Variants in TEX9 observed in about 807,000 individuals in gnomAD.
TEX9 encodes the protein testis-expressed protein 9.
Under a neutral mutation model 59.6 loss-of-function variants are expected in TEX9, and 74 were observed. The observed-to-expected ratio is 1.24, with a 90% CI of 1.03 to 1.51. The LOEUF is 1.51. Among genes scored for constraint, TEX9 ranks in the 40% most tolerant of loss-of-function variants. TEX9 has a pLI of 0.00. For missense variants in TEX9, 522 were observed against 447.8 expected (o/e 1.17, Z -1.49); for synonymous variants, 186 against 152.2 (o/e 1.22, Z -1.64).
intron 9 of TEX9, among the ~76,000 whole-genome samples, chr15:56,407,507 G>A (rs761084328): frequency 6.6e-6 from 1 of 151,910 alleles, no homozygotes; most frequent in Non-Finnish European, 1.5e-5. Flanking sequence ...TAATATTCTT[G>A]TATTATGTTT....
intron 2 of TEX9, among the ~76,000 whole-genome samples, chr15:56,369,015 G>A (rs1312747599): frequency 6.6e-6 from 1 of 151,710 alleles, no homozygotes; most frequent in African/African-American, 2.4e-5. Context: ...AATATATTTA[G>A]TCTTTAAATT....
chr15:56,285,024 T>C (rs1330955996), intron 1 of TEX9, among the ~76,000 whole-genome samples: 1 of 152,190 alleles, frequency 6.6e-6, no homozygotes, highest in African/African-American at 2.4e-5. Context: ...ATAACTTTAT[T>C]TATCTAAGAT....
intron 10 of TEX9, among the ~76,000 whole-genome samples, chr15:56,416,274 G>A (rs1208119319): frequency 6.6e-6 from 1 of 151,806 alleles, no homozygotes; most frequent in African/African-American, 2.4e-5. Flanking sequence ...TTGAGAGAGG[G>A]CATCCTTGTC....
At chr15:56,284,147 A>G (rs1175754504) in intron 1 of TEX9, among the ~76,000 whole-genome samples, 3 of 151,922 alleles carry the variant, frequency 2.0e-5, no homozygotes, top group Non-Finnish European at 2.9e-5. Context: ...TGACCTAGTA[A>G]TTACACTTCT....
intron 12 of TEX9, chr15:56,429,305 T>C (rs1277113914): frequency 3.0e-6 from 2 of 664,516 alleles, no homozygotes; most frequent in Non-Finnish European, 5.0e-6. Context: ...TAATGAAATC[T>C]ATTCAACAGA....
chr15:56,419,996 G>T (rs1423068232), intron 10 of TEX9, among the ~76,000 whole-genome samples: 3 of 150,856 alleles, frequency 2.0e-5, no homozygotes, highest in African/African-American at 7.3e-5. Flanking sequence ...TGTGTTTTGG[G>T]TGCTTACATC....
intron 1 of TEX9, among the ~76,000 whole-genome samples, chr15:56,250,528 C>T (rs1190466689): frequency 6.6e-6 from 1 of 152,130 alleles, no homozygotes; most frequent in Non-Finnish European, 1.5e-5. Context: ...TACCAAATTC[C>T]GAGTGTATTC....
At chr15:56,266,389 A>G (rs1162488774) in intron 1 of TEX9, among the ~76,000 whole-genome samples, 2 of 151,356 alleles carry the variant, frequency 1.3e-5, no homozygotes, top group Non-Finnish European at 2.9e-5. Flanking sequence ...GGTTTCTTAC[A>G]TATGTATACA....
At chr15:56,378,183 CT>C (rs565939422) in intron 3 of TEX9, among the ~76,000 whole-genome samples, 1,974 of 152,048 alleles carry the variant, frequency 0.013, 26 homozygotes, top group Middle Eastern at 0.041. Context: ...ATGTAGTTTT[CT>C]TTTTTTGATG....
intron 3 of TEX9, among the ~76,000 whole-genome samples, chr15:56,375,446 T>A (rs2047395800): frequency 6.6e-6 from 1 of 152,060 alleles, no homozygotes; most frequent in South Asian, 2.1e-4. Context: ...TTGCGAAAAT[T>A]TTCTCCCATT....
chr15:56,381,663 A>G (rs1326949827), intron 3 of TEX9, among the ~76,000 whole-genome samples: 2 of 152,230 alleles, frequency 1.3e-5, no homozygotes, highest in Non-Finnish European at 2.9e-5. Flanking sequence ...CTGGGTTACC[A>G]GACAGAGACT....
At chr15:56,347,217 T>C (rs1435260521) in intron 1 of TEX9, among the ~76,000 whole-genome samples, 4 of 152,194 alleles carry the variant, frequency 2.6e-5, no homozygotes, top group Non-Finnish European at 5.9e-5. Flanking sequence ...GTTTTGTGGA[T>C]ATAAATGAGA....
intron 6 of TEX9, among the ~76,000 whole-genome samples, chr15:56,389,612 T>G (rs1351476172): frequency 6.6e-6 from 1 of 152,016 alleles, no homozygotes; most frequent in African/African-American, 2.4e-5. Context: ...TATATTGTTC[T>G]CTTAAGCAAA....
At position 56,349,744 on chromosome 15, in the gene TEX9, T is replaced by C. The variant is rs181275067; in HGVS notation, c.-106-23697T>C. Among the ~76,000 whole-genome samples the C allele has an allele frequency of 4.2e-3, 582 of 137,704 alleles. 5 individuals carry two copies. The highest frequency in any genetic ancestry group is 0.014 in the African/African-American group (550 of 39,106). The allele number at this position is 137,704 out of a possible 152,430, so 90.3% of individuals were successfully genotyped here. A position where few individuals can be genotyped will look rare whatever the true frequency, so the allele number is the denominator to read the frequency against. ...AAGCACATATACACACGTGTATATA[T>C]GTGTGTGTATATATATACACACGTG... On this transcript the variant is annotated intron_variant, in intron 1 of 5. Transcript: ENST00000560827.
the TEX9 span, among the ~76,000 whole-genome samples, chr15:56,455,126 CT>C: frequency 6.6e-6 from 1 of 151,604 alleles, no homozygotes; most frequent in Non-Finnish European, 1.5e-5. Flanking sequence ...TTTTCCTAGA[CT>C]TTTTCTCAGG....
intron 9 of TEX9, 115 bp downstream of exon 9, chr15:56,394,949 A>T: frequency 9.8e-7 from 1 of 1,023,632 alleles, no homozygotes; most frequent in Non-Finnish European, 1.4e-6. Flanking sequence ...GTATTTACTG[A>T]AAACTCTTTC....
intron 1 of TEX9, among the ~76,000 whole-genome samples, chr15:56,307,355 T>C (rs754612693): frequency 6.6e-6 from 1 of 152,170 alleles, no homozygotes; most frequent in Non-Finnish European, 1.5e-5. Flanking sequence ...GCAGCTCCTC[T>C]CCCTAGCCCA....
intron 1 of TEX9, among the ~76,000 whole-genome samples, chr15:56,281,370 A>G (rs2044815797): frequency 6.6e-6 from 1 of 152,248 alleles, no homozygotes; most frequent in South Asian, 2.1e-4. Flanking sequence ...GGGAGCAGCA[A>G]GCTAGCATTA....
intron 1 of TEX9, among the ~76,000 whole-genome samples, chr15:56,278,163 G>T (rs1266257102): frequency 6.6e-6 from 1 of 151,810 alleles, no homozygotes; most frequent in East Asian, 1.9e-4. Flanking sequence ...TAATCTCCTT[G>T]TATGATAAAC....
Sources: allele counts gnomAD v4.1 joint callset (sites outside exome capture counted in the v4.1 genomes callset), GRCh38; gene constraint gnomAD v4.1.1; transcripts MANE v1.5; gene names NCBI Gene and HGNC (gene_info 2026-07-23, HGNC 2026-07-21).